MTFR1: variants seen among roughly 807,000 people sequenced by gnomAD.
The protein encoded by MTFR1 is chondrocyte protein with a poly-proline region.
MTFR1 carries 28 observed loss-of-function variants against 38.8 expected under a neutral mutation model. That is an observed-to-expected ratio of 0.72 (90% CI 0.53 to 0.99). The LOEUF (loss-of-function observed/expected upper bound fraction) is 0.99. MTFR1 is among the 50% of genes least tolerant of loss of function. MTFR1 has a pLI of 0.00. For synonymous variants in MTFR1, 145 were observed against 137.0 expected (o/e 1.06, Z -0.41); for missense variants, 358 against 395.5 (o/e 0.91, Z 0.81).
At chr8:65,703,422 T>TTTTG (rs1805677606) in intron 4 of MTFR1, among the ~76,000 whole-genome samples, 1 of 54,936 alleles carries the variant, frequency 1.8e-5, no homozygotes, top group African/African-American at 6.9e-5. Flanking sequence ...GTCTCTGGTT[T>TTTTG]TTTTTTTTTT....
intron 2 of MTFR1, among the ~76,000 whole-genome samples, chr8:65,672,034 C>T (rs1804579554): frequency 6.6e-6 from 1 of 152,162 alleles, no homozygotes; most frequent in Admixed American, 6.5e-5. Flanking sequence ...AGATAGCACG[C>T]TTTATTTAGC....
intron 2 of MTFR1, among the ~76,000 whole-genome samples, chr8:65,679,340 G>A (rs990639018): frequency 6.6e-6 from 1 of 152,128 alleles, no homozygotes; most frequent in African/African-American, 2.4e-5. Flanking sequence ...GTGCGGTGGT[G>A]CACGCCTGTA....
chr8:65,715,490 G>A (rs1008052314), downstream of MTFR1, among the ~76,000 whole-genome samples: 4 of 150,648 alleles, frequency 2.7e-5, no homozygotes, highest in South Asian at 2.1e-4. Context: ...CAATTCTTCC[G>A]CCTCAGCCTC....
intron 2 of MTFR1, among the ~76,000 whole-genome samples, chr8:65,677,098 G>C (rs1236612068): frequency 2.6e-5 from 3 of 115,832 alleles, no homozygotes; most frequent in Non-Finnish European, 4.9e-5. Context: ...TTTTGAGACA[G>C]AGTCTCGCTC....
At chr8:65,654,096 A>G (rs1809194515) in intron 1 of MTFR1, among the ~76,000 whole-genome samples, 1 of 151,756 alleles carries the variant, frequency 6.6e-6, no homozygotes, top group Non-Finnish European at 1.5e-5. Flanking sequence ...AAATCACAAA[A>G]GTAGTACATG....
chr8:65,772,981 C>G (rs1809154011), downstream of MTFR1, among the ~76,000 whole-genome samples: 1 of 151,960 alleles, frequency 6.6e-6, no homozygotes, highest in Non-Finnish European at 1.5e-5. Context: ...GCACTCCAGC[C>G]TGGGCGACAG....
In MTFR1 at chr8:65,645,175, G is replaced by A. The variant is rs538598756; in HGVS notation, c.-81+391G>A. The stretch of plus-strand genomic sequence containing the variant: ...GGTCCTGGGGAGACCGCCCTTCGCG[G>A]CGGCTCCCTTGGGTGCTGCGCCCTT... On this transcript the variant is annotated intron_variant, in intron 1 of 7. Transcript: ENST00000262146. Among the ~76,000 whole-genome samples, 4 of 152,336 alleles carry A rather than the reference G, an allele frequency of 2.6e-5. No individual in the cohort carries two copies. In the South Asian group the frequency reaches 8.3e-4, roughly 32 times the overall value.
intron 3 of MTFR1, chr8:65,727,382 G>T: frequency 6.4e-7 from 1 of 1,561,648 alleles, no homozygotes. Flanking sequence ...TGAATTAGCA[G>T]CCAATGGTAG....
chr8:65,738,466 A>C (rs1368827402), intron 3 of MTFR1, among the ~76,000 whole-genome samples: 1 of 152,214 alleles, frequency 6.6e-6, no homozygotes, highest in Non-Finnish European at 1.5e-5. Context: ...GGAATCATGA[A>C]TTCCTTCCTC....
At chr8:65,691,086 A>G (rs919054905) in intron 3 of MTFR1, among the ~76,000 whole-genome samples, 1 of 152,142 alleles carries the variant, frequency 6.6e-6, no homozygotes, top group African/African-American at 2.4e-5. Context: ...ATCTGTTTGG[A>G]TAAGTTTCTG....
chr8:65,674,730 C>T lies in MTFR1; in HGVS notation c.66+4712C>T, dbSNP rs191361683. ...GGCTCATTGTCTTTGACTCTGCACA[C>T]TAATATTACTGTAATAGCCATCCCT... is the stretch of plus-strand genomic sequence containing the variant. On this transcript the variant is annotated intron_variant, in intron 2 of 7. Coordinates refer to ENST00000262146, the MANE Select transcript of MTFR1 (RefSeq NM_014637.4). Among the ~76,000 whole-genome samples the T allele has an allele frequency of 3.1e-3, 479 of 152,300 alleles. 1 individual carries two copies. The highest frequency in any genetic ancestry group is 5.0e-3 in the Non-Finnish European group (341 of 68,028).
rs546504799 is a variant in MTFR1, at chr8:65,649,445, A to G, written c.-81+4661A>G. ...GGTGATCCACCGCCTCAGCCTCCCAAAGTGCTGGGATTACAGGTGTGAGCC... is the reference window on the plus strand; with the variant it reads ...GGTGATCCACCGCCTCAGCCTCCCAGAGTGCTGGGATTACAGGTGTGAGCC... On this transcript the variant is annotated intron_variant, in intron 1 of 7. Transcript: ENST00000262146. Among the ~76,000 whole-genome samples the G allele has an allele frequency of 5.3e-5, 8 of 152,242 alleles. No homozygotes were observed. In the South Asian group the frequency reaches 1.7e-3, roughly 32 times the overall value.
chr8:65,663,665 C>T (rs895030293), intron 1 of MTFR1, among the ~76,000 whole-genome samples: 1 of 151,678 alleles, frequency 6.6e-6, no homozygotes, highest in Admixed American at 6.6e-5. Context: ...TTATTACTGA[C>T]AAAGATGTAG....
chr8:65,679,366 G>A (rs115280593), intron 2 of MTFR1: 155 of 152,344 alleles, frequency 1.0e-3, no homozygotes, highest in African/African-American at 3.6e-3. Context: ...AGGAGTTTGG[G>A]AGGCTAAGAC....
At chr8:65,759,335 C>T (rs1304217590) in intron 3 of MTFR1, among the ~76,000 whole-genome samples, 1 of 152,140 alleles carries the variant, frequency 6.6e-6, no homozygotes, top group Non-Finnish European at 1.5e-5. Flanking sequence ...CCCCTGAGGC[C>T]AAGAGGGCCA....
intron 4 of MTFR1, among the ~76,000 whole-genome samples, chr8:65,696,415 C>A (rs535751120): frequency 6.6e-6 from 1 of 152,260 alleles, no homozygotes; most frequent in Admixed American, 6.5e-5. Flanking sequence ...CACTCAGTCT[C>A]CTTCAATGGT....
chr8:65,722,598 A>T (rs533432379), intron 3 of MTFR1: 1 of 152,362 alleles, frequency 6.6e-6, no homozygotes, highest in African/African-American at 2.4e-5. Flanking sequence ...CCCCCGTAGA[A>T]TCCCCCTCCT....
At chr8:65,650,660 G>A (rs1012964447) in intron 1 of MTFR1, among the ~76,000 whole-genome samples, 1 of 152,038 alleles carries the variant, frequency 6.6e-6, no homozygotes, top group Non-Finnish European at 1.5e-5. Flanking sequence ...ATAGTACTCC[G>A]CTATGTATAT....
chr8:65,729,352 C>T (rs950224955), intron 3 of MTFR1, among the ~76,000 whole-genome samples: 7 of 123,772 alleles, frequency 5.7e-5, no homozygotes, highest in East Asian at 2.6e-4. Context: ...CAGTGAGTTT[C>T]GTTGGTGGTA....
Sources: gnomAD v4.1 joint callset for allele counts (sites outside exome capture counted in the v4.1 genomes callset) on GRCh38, gnomAD v4.1.1 for gene constraint, MANE v1.5 for transcripts, NCBI Gene and HGNC (gene_info 2026-07-23, HGNC 2026-07-21) for gene names.